SDK1: variants seen among roughly 807,000 people sequenced by gnomAD.
SDK1 encodes protein sidekick-1.
In SDK1, 157 loss-of-function variants were observed where a neutral mutation model predicts 245.5. The ratio of observed to expected loss-of-function variants is 0.64; its 90% confidence interval spans 0.56 to 0.73. The LOEUF (loss-of-function observed/expected upper bound fraction) is 0.73, where lower values mean the gene tolerates loss of function less well. Ranked by LOEUF, SDK1 falls within the 30% of genes least tolerant of loss-of-function variation. The pLI is 0.00. For synonymous variants in SDK1, 1,647 were observed against 1,278.5 expected, an observed-to-expected ratio of 1.29 and a Z score of -6.15; for missense variants, 3,583 against 3,002.3, an observed-to-expected ratio of 1.19 and a Z score of -4.52.
chr7:4,219,129 G>A (rs925960466), intron 38 of SDK1, among the ~76,000 whole-genome samples: 2 of 152,174 alleles, frequency 1.3e-5, no homozygotes, highest in African/African-American at 2.4e-5. Flanking sequence ...CTGAATCGAG[G>A]CATCAATACT....
intron 17 of SDK1, among the ~76,000 whole-genome samples, chr7:4,038,318 A>G (rs1041377768): frequency 1.3e-5 from 2 of 152,186 alleles, no homozygotes; most frequent in Admixed American, 6.5e-5. Context: ...TTCCACTGAA[A>G]CTTAAACTCC....
chr7:4,163,815 G>A (rs961447279), intron 32 of SDK1, among the ~76,000 whole-genome samples: 8 of 152,212 alleles, frequency 5.3e-5, no homozygotes, highest in Non-Finnish European at 8.8e-5. Flanking sequence ...GAGGGGCTCC[G>A]CTTTCACCCT....
intron 9 of SDK1, among the ~76,000 whole-genome samples, chr7:3,966,289 G>T (rs752428130): frequency 6.6e-6 from 1 of 152,152 alleles, no homozygotes; most frequent in African/African-American, 2.4e-5. Flanking sequence ...AGGCAGAGGC[G>T]GCGGCTGTGC....
At chr7:3,799,632 G>T (rs1779056441) in intron 4 of SDK1, among the ~76,000 whole-genome samples, 1 of 149,638 alleles carries the variant, frequency 6.7e-6, no homozygotes, top group Admixed American at 6.7e-5. Context: ...GTGAACCTGG[G>T]AGGCGGGGTT....
intron 4 of SDK1, among the ~76,000 whole-genome samples, chr7:3,789,534 G>C (rs1052097988): frequency 6.6e-6 from 1 of 152,192 alleles, no homozygotes; most frequent in Non-Finnish European, 1.5e-5. Context: ...GACTTTTTGT[G>C]TTAGGTTATT....
intron 1 of SDK1, among the ~76,000 whole-genome samples, chr7:3,525,301 G>C (rs1783086052): frequency 1.3e-5 from 2 of 152,026 alleles, no homozygotes; most frequent in Non-Finnish European, 2.9e-5. Context: ...ACTGGGTTTG[G>C]GGAGTGTCAG....
chr7:3,805,448 G>C (rs1169070285), intron 4 of SDK1, among the ~76,000 whole-genome samples: 3 of 152,208 alleles, frequency 2.0e-5, no homozygotes, highest in African/African-American at 7.2e-5. Context: ...ACATGACGTA[G>C]TCTTTGCTTT....
intron 4 of SDK1, among the ~76,000 whole-genome samples, chr7:3,707,429 T>C (rs1477154336): frequency 6.6e-6 from 1 of 152,258 alleles, no homozygotes; most frequent in Non-Finnish European, 1.5e-5. Context: ...GAAGTGATTT[T>C]GATTTTTAAA....
chr7:3,969,142 A>C, intron 10 of SDK1, 115 bp from the exon 11 acceptor site: 1 of 929,636 alleles, frequency 1.1e-6, no homozygotes, highest in South Asian at 2.3e-5. Context: ...TCGAGACGAG[A>C]CTTGGGTGGG....
At chr7:3,465,832 A>C (rs1780982593) in intron 1 of SDK1, among the ~76,000 whole-genome samples, 1 of 152,214 alleles carries the variant, frequency 6.6e-6, no homozygotes, top group East Asian at 1.9e-4. Flanking sequence ...TGGGTTGGCC[A>C]TCAGTCTAAC....
At chr7:3,962,038 T>C (rs1781735351) in intron 8 of SDK1, among the ~76,000 whole-genome samples, 1 of 151,980 alleles carries the variant, frequency 6.6e-6, no homozygotes, top group Non-Finnish European at 1.5e-5. Context: ...TGCACATATA[T>C]ACACACATGT....
chr7:3,947,458 A>G (rs569427146), intron 5 of SDK1, among the ~76,000 whole-genome samples: 1 of 151,728 alleles, frequency 6.6e-6, no homozygotes, highest in Non-Finnish European at 1.5e-5. Flanking sequence ...TAGAGAGATT[A>G]TATTTCTTTC....
At chr7:3,398,000 A>G (rs1167933567) in intron 1 of SDK1, among the ~76,000 whole-genome samples, 1 of 152,126 alleles carries the variant, frequency 6.6e-6, no homozygotes, top group Admixed American at 6.6e-5. Context: ...AAAGCCAGGC[A>G]TGATGTACTG....
At chr7:3,691,813 C>G (rs1784444138) in intron 4 of SDK1, among the ~76,000 whole-genome samples, 1 of 152,138 alleles carries the variant, frequency 6.6e-6, no homozygotes, top group South Asian at 2.1e-4. Context: ...GGCTTATCTA[C>G]TTACTCATTC....
intron 14 of SDK1, among the ~76,000 whole-genome samples, chr7:3,998,797 C>G (rs767451236): frequency 9.9e-5 from 15 of 152,214 alleles, no homozygotes; most frequent in Non-Finnish European, 1.5e-4. Context: ...CTGTCTTCCA[C>G]GTGGAGTTCC....
At position 3,307,391 on chromosome 7, in the gene SDK1, T is replaced by C. The variant is rs534029446; in HGVS notation, c.298+5507T>C. 2.0e-5 allele frequency among the ~76,000 whole-genome samples: 3 copies of C among 152,286 alleles called. No homozygotes were observed. In the South Asian group the frequency reaches 6.2e-4, roughly 32 times the overall value. The stretch of plus-strand genomic sequence containing the variant: ...TCAGTGAATCCCTGAAATGCAAAAG[T>C]CTGTCACAGTTAGATACCTACCTGC... On this transcript the variant is annotated intron_variant, in intron 1 of 44. Coordinates refer to ENST00000404826, the MANE Select transcript of SDK1 (RefSeq NM_152744.4).
At chr7:4,241,944 T>C (rs1199682776) in intron 43 of SDK1, 31 bp downstream of exon 43, 1 of 1,607,606 alleles carries the variant, frequency 6.2e-7, no homozygotes, top group African/African-American at 1.3e-5. Flanking sequence ...TGCGCCCACC[T>C]GGGGATCTGA....
In SDK1 at chr7:3,852,841, T is replaced by C. The variant is rs561761047; in HGVS notation, c.847+31258T>C. ...CAGGAAAGAAAAATATGTTTCTTTA[T>C]TCTTTAAATTCTTAAATTCCATGTA... On this transcript the variant is annotated intron_variant, in intron 5 of 44. Coordinates refer to ENST00000404826, the MANE Select transcript of SDK1 (RefSeq NM_152744.4). Among the ~76,000 whole-genome samples, 6 of 152,208 alleles carry C rather than the reference T, an allele frequency of 3.9e-5. No individual in the cohort carries two copies. In the South Asian group the frequency reaches 1.2e-3, roughly 32 times the overall value.
At chr7:4,048,125 T>C (rs764716684) in intron 17 of SDK1, among the ~76,000 whole-genome samples, 5 of 151,650 alleles carry the variant, frequency 3.3e-5, no homozygotes, top group Non-Finnish European at 5.9e-5. Flanking sequence ...CCGAGAAGAG[T>C]GTAGCGATTT....
Sources: allele counts gnomAD v4.1 joint callset (sites outside exome capture counted in the v4.1 genomes callset), GRCh38; gene constraint gnomAD v4.1.1; transcripts MANE v1.5; gene names NCBI Gene and HGNC (gene_info 2026-07-23, HGNC 2026-07-21).